The following PNP variants were observed in gnomAD, a reference collection of about 807,000 sequenced individuals.
PNP encodes purine nucleoside phosphorylase.
A neutral mutation model predicts 26.8 loss-of-function variants in PNP; 18 were observed. The ratio of observed to expected loss-of-function variants is 0.67; its 90% CI spans 0.46 to 1.00. The LOEUF (loss-of-function observed/expected upper bound fraction) is 1.00. Ranked by LOEUF, PNP falls within the 50% of genes least tolerant of loss-of-function variation. The pLI, the probability that PNP is intolerant of heterozygous loss-of-function variation, is 0.00. For synonymous variants in PNP, 116 were observed against 124.8 expected, an observed-to-expected ratio of 0.93 and a Z score of 0.47; for missense variants, 320 against 362.9, an observed-to-expected ratio of 0.88 and a Z score of 0.96.
chr14:20,469,869 T>C, intron 1 of PNP: 1 of 531,542 alleles, frequency 1.9e-6, no homozygotes, highest in South Asian at 2.2e-5. Flanking sequence ...TATGTATATA[T>C]CCCTCACTCC....
chr14:20,470,679 C>T (rs1302971878), intron 1 of PNP: 2 of 152,154 alleles, frequency 1.3e-5, no homozygotes, highest in African/African-American at 4.8e-5. Context: ...GGTAAGTGCC[C>T]TGAGGTTTCT....
rs1467522316 is a variant in PNP at position 20,472,291 on chromosome 14, T to C, written c.12-17T>C. 2 of 1,610,862 alleles carry C rather than the reference T, an allele frequency of 1.2e-6. No homozygotes were observed. Among genetic ancestry groups the C allele is most frequent in the South Asian group, 1.1e-5 (1 of 91,004 alleles). ...GGAATGGGAGCAGAATTCACCTTGATATTTTTTCTCCCCCAGATACACCTA... is the reference window on the plus strand; with the variant it reads ...GGAATGGGAGCAGAATTCACCTTGACATTTTTTCTCCCCCAGATACACCTA... On this transcript the variant is annotated splice_polypyrimidine_tract_variant and intron_variant, in intron 1 of 5. Coordinates refer to ENST00000361505, the MANE Select transcript of PNP (RefSeq NM_000270.4).
Position 20,469,434 on chromosome 14 carries a change from G to A in PNP, c.-91G>A, listed in dbSNP as rs115464597. The A allele has an allele frequency of 4.6e-6, 7 of 1,513,788 alleles. No homozygotes were observed. The highest frequency in any genetic ancestry group is 2.4e-5 in the South Asian group (2 of 83,288). 93.8% of individuals were successfully genotyped at this position (1,513,788 alleles called of 1,614,324 possible). On this transcript the variant is annotated 5_prime_UTR_variant, in exon 1 of 6. Coordinates refer to ENST00000361505, the MANE Select transcript of PNP (RefSeq NM_000270.4). ...TGTGCGAACCAGACCCGGCAGCCTT[G>A]CTCAGTTCAGCATAGCGGAGCGGAT...
intron 2 of PNP, chr14:20,472,844 TAAG>T (rs1271621995): frequency 4.1e-6 from 1 of 243,514 alleles, no homozygotes; most frequent in Non-Finnish European, 8.1e-6. Context: ...CCTGGAGAGT[TAAG>T]AATTTTTTTT....
At chr14:20,473,417 A>G (rs1044264795) in intron 2 of PNP, 1 of 152,252 alleles carries the variant, frequency 6.6e-6, no homozygotes, top group Non-Finnish European at 1.5e-5. Flanking sequence ...CCCCTTGTTC[A>G]GTAGCCTCTT....
intron 3 of PNP, 54 bp downstream of exon 3, chr14:20,474,629 C>G (rs374725445): frequency 1.0e-5 from 16 of 1,564,768 alleles, no homozygotes; most frequent in South Asian, 5.6e-5. Context: ...AGAGAACTAT[C>G]TAGCCTCTTT....
At position 20,472,381 on chromosome 14, in the gene PNP, A is replaced by T. The variant is rs779670793; in HGVS notation, c.85A>T (p.Ile29Leu). Reference sequence around the variant, plus strand: ...CACTAAGCACCGACCTCAAGTTGCAATAATCTGTGGTTCTGGATTAGGAGG... The same window carrying T: ...CACTAAGCACCGACCTCAAGTTGCATTAATCTGTGGTTCTGGATTAGGAGG... Reference protein sequence around the residue: ...SHTKHRPQVAIICGSGLGGLT... With the variant: ...SHTKHRPQVALICGSGLGGLT... The change falls in exon 2 of 6, where the codon ATA becomes TTA. Residue 29 changes from isoleucine to leucine, a missense_variant. By Grantham distance (5) the Ile-to-Leu change is conservative (BLOSUM62 2). Transcript: ENST00000361505. 1.2e-6 allele frequency: 2 copies of T among 1,613,948 alleles called. No homozygotes were observed. The highest frequency in any genetic ancestry group is 1.7e-6 in the Non-Finnish European group (2 of 1,179,768).
Position 20,472,495 on chromosome 14 carries a change from T to G in PNP, c.181+18T>G. 1 of 1,610,524 alleles carries G rather than the reference T, an allele frequency of 6.2e-7. No homozygotes were observed. The stretch of plus-strand genomic sequence containing the variant: ...AAGTACAGGTACTGGCAAGGGAAAG[T>G]GGGGAATGGGACTGAGGGATGTTCT... On this transcript the variant is annotated intron_variant, in intron 2 of 5. Transcript: ENST00000361505.
Position 20,474,966 on chromosome 14 carries a change from T to TC in PNP, c.461+18_461+19insC, listed in dbSNP as rs1566525696. On this transcript the variant is annotated intron_variant, in intron 4 of 5. Coordinates refer to ENST00000361505, the MANE Select transcript of PNP (RefSeq NM_000270.4). ...GATGAAAGGTATGTATGTTACTCCG[T>TC]TTTTTTTAGGTGGGTAGGATTTAAA... The TC allele has an allele frequency of 6.2e-7, 1 of 1,611,542 alleles. No individual in the cohort carries two copies. The highest frequency in any genetic ancestry group is 1.7e-5 in the Admixed American group (1 of 59,778).
chr14:20,475,656 T>C (rs1240985446), intron 5 of PNP, among the ~76,000 whole-genome samples: 1 of 152,176 alleles, frequency 6.6e-6, no homozygotes, highest in African/African-American at 2.4e-5. Flanking sequence ...GGTTAATTTT[T>C]GTATTTTTAG....
At chr14:20,471,700 C>T (rs970720809) in intron 1 of PNP, among the ~76,000 whole-genome samples, 1 of 152,066 alleles carries the variant, frequency 6.6e-6, no homozygotes, top group Non-Finnish European at 1.5e-5. Flanking sequence ...GAAATGTAGC[C>T]CTTAAGTCTT....
intron 1 of PNP, among the ~76,000 whole-genome samples, chr14:20,471,683 C>T (rs1354492072): frequency 6.6e-6 from 1 of 151,904 alleles, no homozygotes; most frequent in East Asian, 1.9e-4. Flanking sequence ...TTGGTTAAAA[C>T]AAAAAAGAAA....
In PNP at chr14:20,474,804, T is replaced by A; in HGVS notation, c.317T>A (p.Leu106Gln). 6.2e-7 allele frequency: 1 copy of A among 1,614,234 alleles called. No individual in the cohort carries two copies. The highest frequency in any genetic ancestry group is 8.5e-7 in the Non-Finnish European group (1 of 1,180,040). Residue 106 changes from leucine to glutamine, a missense_variant, in exon 4 of 6, where the codon CTG becomes CAG. Coordinates refer to ENST00000361505, the MANE Select transcript of PNP (RefSeq NM_000270.4). ...TTCCCAGTGAGGGTTTTCCACCTTC[T>A]GGGTGTGGACACCCTGGTAGTCACC... ...VTFPVRVFHL[L>Q]GVDTLVVTNA...
At chr14:20,474,357 A>G (rs1882050704) in intron 2 of PNP, 115 bp from the exon 3 acceptor site, 4 of 864,554 alleles carry the variant, frequency 4.6e-6, no homozygotes, top group Non-Finnish European at 5.7e-6. Context: ...TGAGTCTTTT[A>G]CTTAATTACA....
Position 20,476,700 on chromosome 14 carries a change from T to A in PNP, c.*99T>A. 1.1e-6 allele frequency: 1 copy of A among 931,460 alleles called. No homozygotes were observed. The highest frequency in any genetic ancestry group is 1.7e-6 in the Non-Finnish European group (1 of 577,306). The allele number at this position is 931,460 out of a possible 1,614,324, so 57.7% of individuals were successfully genotyped here. On this transcript the variant is annotated 3_prime_UTR_variant, in exon 6 of 6. Transcript: ENST00000361505. ...GTCATGTGCCTCTGTCCTTAGGTTG[T>A]AGCAGAAAGGAAAAGATTCCTGTCC...
At chr14:20,474,224 G>T (rs1042725041) in intron 2 of PNP, 1 of 450,908 alleles carries the variant, frequency 2.2e-6, no homozygotes, top group South Asian at 2.3e-5. Flanking sequence ...TTCCTTCTTT[G>T]TGTGTTCATG....
intron 2 of PNP, chr14:20,472,878 A>G (rs1882017217): frequency 4.0e-6 from 1 of 247,384 alleles, no homozygotes; most frequent in Non-Finnish European, 8.0e-6. Flanking sequence ...CAGCAGGAAA[A>G]GACCTTTAAT....
intron 1 of PNP, among the ~76,000 whole-genome samples, chr14:20,471,868 G>T (rs1396155763): frequency 6.6e-6 from 1 of 152,140 alleles, no homozygotes; most frequent in East Asian, 1.9e-4. Context: ...CTCAGGAAGG[G>T]CTTAATCCCA....
Position 20,469,417 on chromosome 14 carries a change from C to A in PNP, c.-108C>A. 3 of 1,459,004 alleles carry A rather than the reference C, an allele frequency of 2.1e-6. No individual in the cohort carries two copies. The highest frequency in any genetic ancestry group is 2.8e-6 in the Non-Finnish European group (3 of 1,064,276). 90.4% of individuals were successfully genotyped at this position (1,459,004 alleles called of 1,614,324 possible). ...TAGACCAGTGAGCCAACTGTGCGAA[C>A]CAGACCCGGCAGCCTTGCTCAGTTC... On this transcript the variant is annotated 5_prime_UTR_variant, in exon 1 of 6. Transcript: ENST00000361505.
Sources: gnomAD v4.1 joint callset for allele counts (sites outside exome capture counted in the v4.1 genomes callset) on GRCh38, gnomAD v4.1.1 for gene constraint, MANE v1.5 for transcripts, NCBI Gene and HGNC (gene_info 2026-07-23, HGNC 2026-07-21) for gene names.